Variants in PTPRQ observed in about 807,000 individuals in gnomAD.
PTPRQ encodes the protein phosphatidylinositol phosphatase PTPRQ.
PTPRQ carries 199 observed loss-of-function variants against 246.0 expected under a neutral mutation model. That is an observed-to-expected ratio of 0.81 (90% CI 0.72 to 0.91). The LOEUF (loss-of-function observed/expected upper bound fraction) is 0.91, where lower values mean the gene tolerates loss of function less well. Among genes scored for constraint, PTPRQ ranks in the 40% least tolerant of loss-of-function variants. PTPRQ has a pLI of 0.00. For missense variants in PTPRQ, 2,624 were observed against 2,528.4 expected, an observed-to-expected ratio of 1.04 and a Z score of -0.81; for synonymous variants, 869 against 853.2, an observed-to-expected ratio of 1.02 and a Z score of -0.32.
intron 3 of PTPRQ, among the ~76,000 whole-genome samples, chr12:80,453,294 C>T (rs1459024507): frequency 1.3e-5 from 2 of 151,994 alleles, no homozygotes; most frequent in Non-Finnish European, 2.9e-5. Context: ...TTTTCAACTT[C>T]TTTGCCTTTG....
intron 25 of PTPRQ, among the ~76,000 whole-genome samples, chr12:80,582,763 A>T (rs891138390): frequency 2.6e-5 from 4 of 152,294 alleles, no homozygotes; most frequent in African/African-American, 9.6e-5. Flanking sequence ...GAGAGAAGGG[A>T]CTGGGAGGAA....
chr12:80,631,578 T>G (rs1899437410), intron 33 of PTPRQ, among the ~76,000 whole-genome samples: 1 of 152,156 alleles, frequency 6.6e-6, no homozygotes. Context: ...TGTCTTGAAT[T>G]TGTTTAGTTC....
chr12:80,452,485 A>AT (rs1488189423), intron 3 of PTPRQ, among the ~76,000 whole-genome samples: 1 of 152,062 alleles, frequency 6.6e-6, no homozygotes, highest in Non-Finnish European at 1.5e-5. Context: ...ATTTGGCATG[A>AT]TTTTTCAGTG....
intron 25 of PTPRQ, among the ~76,000 whole-genome samples, chr12:80,567,381 A>G (rs746863550): frequency 2.2e-4 from 33 of 152,182 alleles, no homozygotes; most frequent in Admixed American, 7.2e-4. Context: ...ATGTATATGC[A>G]GTGACATGTA....
At chr12:80,602,618 C>T (rs1898180254) in intron 26 of PTPRQ, among the ~76,000 whole-genome samples, 1 of 151,634 alleles carries the variant, frequency 6.6e-6, no homozygotes. Context: ...CTTATAAGGA[C>T]CTTAATCCCA....
intron 17 of PTPRQ, among the ~76,000 whole-genome samples, chr12:80,523,791 G>A (rs1441334118): frequency 6.6e-6 from 1 of 152,132 alleles, no homozygotes; most frequent in Non-Finnish European, 1.5e-5. Flanking sequence ...CCAACTATGT[G>A]GTCAATTTTG....
intron 27 of PTPRQ, among the ~76,000 whole-genome samples, chr12:80,607,407 G>A (rs893203347): frequency 4.7e-5 from 7 of 147,372 alleles, no homozygotes; most frequent in African/African-American, 1.8e-4. Context: ...GTTTCTTTAG[G>A]ATTCTTGGAA....
At chr12:80,671,298 T>C (rs1344054657) in intron 42 of PTPRQ, among the ~76,000 whole-genome samples, 3 of 152,040 alleles carry the variant, frequency 2.0e-5, no homozygotes, top group Non-Finnish European at 2.9e-5. Flanking sequence ...AATCCCTCCA[T>C]ATAGGTATAA....
intron 8 of PTPRQ, among the ~76,000 whole-genome samples, chr12:80,480,860 T>G (rs1211518348): frequency 2.0e-5 from 3 of 152,096 alleles, no homozygotes; most frequent in Non-Finnish European, 4.4e-5. Context: ...AATAACAGGC[T>G]CTGAAATTGT....
At chr12:80,661,332 A>T (rs1900624394) in intron 39 of PTPRQ, among the ~76,000 whole-genome samples, 1 of 149,060 alleles carries the variant, frequency 6.7e-6, no homozygotes, top group Non-Finnish European at 1.5e-5. Flanking sequence ...ATAAACATAT[A>T]TACATTTTGT....
At chr12:80,517,400 A>G (rs1895337668) in intron 17 of PTPRQ, among the ~76,000 whole-genome samples, 1 of 152,058 alleles carries the variant, frequency 6.6e-6, no homozygotes, top group Non-Finnish European at 1.5e-5. Flanking sequence ...AGGTTTATAT[A>G]TTTATGGGGT....
chr12:80,453,114 T>C (rs973587207), intron 3 of PTPRQ, among the ~76,000 whole-genome samples: 2 of 152,312 alleles, frequency 1.3e-5, no homozygotes, highest in African/African-American at 4.8e-5. Context: ...ATTTCATTCA[T>C]TTCATCTTCC....
intron 19 of PTPRQ, among the ~76,000 whole-genome samples, chr12:80,539,197 C>T (rs923591143): frequency 1.3e-5 from 2 of 152,020 alleles, no homozygotes; most frequent in Non-Finnish European, 2.9e-5. Flanking sequence ...TTAAAACTTT[C>T]TCTTACTCTA....
intron 25 of PTPRQ, among the ~76,000 whole-genome samples, chr12:80,553,932 T>C (rs571343540): frequency 6.6e-6 from 1 of 152,282 alleles, no homozygotes; most frequent in South Asian, 2.1e-4. Context: ...CTGGAGGACA[T>C]TATGTTAAGT....
At chr12:80,464,020 A>G (rs1233658808) in intron 6 of PTPRQ, among the ~76,000 whole-genome samples, 1 of 152,120 alleles carries the variant, frequency 6.6e-6, no homozygotes, top group Non-Finnish European at 1.5e-5. Flanking sequence ...ACATAACAAT[A>G]TTAACTTTAA....
At chr12:80,644,569 T>C (rs138002665) in intron 35 of PTPRQ, among the ~76,000 whole-genome samples, 2 of 152,192 alleles carry the variant, frequency 1.3e-5, no homozygotes, top group African/African-American at 4.8e-5. Flanking sequence ...ACTCCTGAAA[T>C]AGCATTGTTG....
chr12:80,671,223 A>G (rs1592781381), intron 42 of PTPRQ, among the ~76,000 whole-genome samples: 1 of 152,226 alleles, frequency 6.6e-6, no homozygotes, highest in Admixed American at 6.5e-5. Context: ...TATATGAACA[A>G]TGCTTATATT....
Position 80,484,415 on chromosome 12 carries a change from T to C in PTPRQ, c.1187-18T>C. On this transcript the variant is annotated intron_variant, in intron 8 of 44. Transcript: ENST00000644991. ...TTTAATTTCCCCCTTTTCTTTTCTT[T>C]CTTTCTTTCTTTCTTAGTTCCAGGG... is the stretch of plus-strand genomic sequence containing the variant. 2 of 1,518,914 alleles carry C rather than the reference T, an allele frequency of 1.3e-6. No homozygotes were observed. Among genetic ancestry groups the C allele is most frequent in the Non-Finnish European group, 1.8e-6 (2 of 1,136,930 alleles). The allele number at this position is 1,518,914 out of a possible 1,614,324, so 94.1% of individuals were successfully genotyped here.
intron 14 of PTPRQ, among the ~76,000 whole-genome samples, chr12:80,499,660 G>C (rs1321954967): frequency 6.6e-6 from 1 of 151,884 alleles, no homozygotes; most frequent in Admixed American, 6.6e-5. Flanking sequence ...ATAGGAGTAA[G>C]TTATTTGGTT....
Sources: allele counts gnomAD v4.1 joint callset (sites outside exome capture counted in the v4.1 genomes callset), GRCh38; gene constraint gnomAD v4.1.1; transcripts MANE v1.5; gene names NCBI Gene and HGNC (gene_info 2026-07-23, HGNC 2026-07-21).